Variants in NCALD observed in about 807,000 individuals in gnomAD.
NCALD encodes the protein neurocalcin delta, also known as neurocalcin-delta.
In NCALD, 10 loss-of-function variants were observed where a neutral mutation model predicts 18.6. The observed-to-expected ratio is 0.54, with a 90% confidence interval of 0.33 to 0.91. NCALD has a LOEUF of 0.91. Ranked by LOEUF, NCALD falls within the 40% of genes least tolerant of loss-of-function variation. The pLI, the probability that NCALD is intolerant of heterozygous loss-of-function variation, is 0.03. For missense variants in NCALD, 184 were observed against 247.6 expected (o/e 0.74, Z 1.72); for synonymous variants, 88 against 87.4 (o/e 1.01, Z -0.04).
chr8:101,900,827 A>G (rs949610486), intron 3 of NCALD, among the ~76,000 whole-genome samples: 1 of 152,048 alleles, frequency 6.6e-6, no homozygotes, highest in Non-Finnish European at 1.5e-5. Context: ...GGTGGATTGT[A>G]TAAATATAAA....
At chr8:101,798,717 GAAT>G (rs1191890273) in intron 4 of NCALD, among the ~76,000 whole-genome samples, 1 of 152,072 alleles carries the variant, frequency 6.6e-6, no homozygotes, top group Non-Finnish European at 1.5e-5. Flanking sequence ...TGAAAAAAAG[GAAT>G]AAAATGGAAG....
intron 1 of NCALD, among the ~76,000 whole-genome samples, chr8:102,085,431 C>G (rs757844447): frequency 5.9e-5 from 9 of 152,140 alleles, no homozygotes; most frequent in Non-Finnish European, 1.2e-4. Context: ...CTTTTTTAAA[C>G]AAATCTTCCT....
intron 2 of NCALD, among the ~76,000 whole-genome samples, chr8:101,697,917 C>T (rs1272141067): frequency 6.6e-6 from 1 of 152,178 alleles, no homozygotes; most frequent in African/African-American, 2.4e-5. Flanking sequence ...TCCTATTCAA[C>T]ATAGTTGGAA....
intron 4 of NCALD, among the ~76,000 whole-genome samples, chr8:101,885,717 A>G (rs1196668701): frequency 6.6e-6 from 1 of 152,186 alleles, no homozygotes; most frequent in Non-Finnish European, 1.5e-5. Context: ...AAACACAGAG[A>G]AGGACCCAGG....
intron 2 of NCALD, among the ~76,000 whole-genome samples, chr8:101,973,909 G>A (rs895037772): frequency 6.6e-6 from 1 of 152,166 alleles, no homozygotes; most frequent in Non-Finnish European, 1.5e-5. Context: ...GCTGAGAGCT[G>A]GGGAAAGACA....
At chr8:102,007,679 T>C (rs1363651509) in intron 2 of NCALD, among the ~76,000 whole-genome samples, 1 of 152,218 alleles carries the variant, frequency 6.6e-6, no homozygotes, top group Admixed American at 6.5e-5. Context: ...ATAAAAACAC[T>C]TGTATGTAGG....
intron 1 of NCALD, among the ~76,000 whole-genome samples, chr8:102,056,759 C>T (rs990783595): frequency 6.6e-6 from 1 of 152,240 alleles, no homozygotes; most frequent in Non-Finnish European, 1.5e-5. Flanking sequence ...GGCCGTACAC[C>T]TACTGTGTCC....
intron 4 of NCALD, among the ~76,000 whole-genome samples, chr8:101,849,196 G>A (rs1198179730): frequency 6.6e-6 from 1 of 152,090 alleles, no homozygotes; most frequent in African/African-American, 2.4e-5. Flanking sequence ...AACACACACT[G>A]GGGCCTGTGA....
intron 1 of NCALD, among the ~76,000 whole-genome samples, chr8:102,093,099 C>A (rs1824977000): frequency 6.6e-6 from 1 of 151,588 alleles, no homozygotes; most frequent in Non-Finnish European, 1.5e-5. Flanking sequence ...GTTGAGGCTG[C>A]AATGAGCCAT....
At chr8:101,822,289 C>T (rs1488269667) in intron 4 of NCALD, among the ~76,000 whole-genome samples, 1 of 152,134 alleles carries the variant, frequency 6.6e-6, no homozygotes, top group Non-Finnish European at 1.5e-5. Context: ...GCCAAGTGAA[C>T]ATTTATTCAT....
chr8:102,099,870 G>T (rs555981147), intron 1 of NCALD, among the ~76,000 whole-genome samples: 3 of 151,994 alleles, frequency 2.0e-5, no homozygotes, highest in East Asian at 3.9e-4. Flanking sequence ...TACTCAGGAG[G>T]CTGAGACAGG....
upstream of NCALD, among the ~76,000 whole-genome samples, chr8:101,794,904 T>A (rs1311929599): frequency 6.6e-6 from 1 of 152,262 alleles, no homozygotes; most frequent in Non-Finnish European, 1.5e-5. Flanking sequence ...TTTTTATTTT[T>A]AAATTTTTTG....
chr8:101,765,127 T>C (rs1007347033), intron 1 of NCALD, among the ~76,000 whole-genome samples: 7 of 152,192 alleles, frequency 4.6e-5, no homozygotes, highest in African/African-American at 1.7e-4. Context: ...AGATGTATAA[T>C]ACAGTTATCC....
At chr8:102,037,387 A>G (rs1822905012) in intron 1 of NCALD, among the ~76,000 whole-genome samples, 1 of 141,696 alleles carries the variant, frequency 7.1e-6, no homozygotes, top group African/African-American at 2.5e-5. Flanking sequence ...ATACAATTAT[A>G]CTATAGAATA....
intron 4 of NCALD, among the ~76,000 whole-genome samples, chr8:101,821,802 A>G (rs949592569): frequency 1.3e-5 from 2 of 151,878 alleles, no homozygotes; most frequent in Non-Finnish European, 2.9e-5. Context: ...CAGCACTACA[A>G]ATTGGGGAAA....
chr8:101,919,981 G>A (rs1818107398), intron 2 of NCALD, among the ~76,000 whole-genome samples: 1 of 152,190 alleles, frequency 6.6e-6, no homozygotes, highest in Admixed American at 6.5e-5. Context: ...TTGGGGCTGG[G>A]CGTGGTGGCT....
At chr8:101,813,450 A>C (rs190864758) in intron 4 of NCALD, among the ~76,000 whole-genome samples, 1 of 152,248 alleles carries the variant, frequency 6.6e-6, no homozygotes, top group Middle Eastern at 3.4e-3. Flanking sequence ...CCAGTGTATC[A>C]AGGAGGTAAC....
intron 2 of NCALD, among the ~76,000 whole-genome samples, chr8:101,960,871 T>A (rs1438360001): frequency 1.3e-5 from 2 of 152,122 alleles, no homozygotes; most frequent in African/African-American, 4.8e-5. Flanking sequence ...GCATTTGCTG[T>A]TTCTTCTGCC....
intron 1 of NCALD, among the ~76,000 whole-genome samples, chr8:101,739,135 C>A (rs961330878): frequency 3.3e-5 from 5 of 152,052 alleles, no homozygotes; most frequent in Non-Finnish European, 5.9e-5. Flanking sequence ...AATATCACCC[C>A]CTATGTCCTC....
Sources: allele counts gnomAD v4.1 joint callset (sites outside exome capture counted in the v4.1 genomes callset), GRCh38; gene constraint gnomAD v4.1.1; transcripts MANE v1.5; gene names NCBI Gene and HGNC (gene_info 2026-07-23, HGNC 2026-07-21).